Variants in MUC5AC observed in about 807,000 individuals in gnomAD.
The protein encoded by MUC5AC is mucin 5AC, oligomeric mucus/gel-forming, also known as mucin-5AC.
Under a neutral mutation model 169.7 loss-of-function variants are expected in MUC5AC, and 158 were observed. The ratio of observed to expected loss-of-function variants is 0.93; its 90% CI spans 0.82 to 1.06. The LOEUF is 1.06. Among genes scored for constraint, MUC5AC ranks in the 50% least tolerant of loss-of-function variants. MUC5AC has a pLI of 0.00. For synonymous variants in MUC5AC, 1,975 were observed against 1,237.0 expected (o/e 1.60, Z -12.52); for missense variants, 4,359 against 3,089.9 (o/e 1.41, Z -9.74).
Position 1,185,662 on chromosome 11 carries a change from C to T in MUC5AC, c.7517C>T (p.Thr2506Ile), listed in dbSNP as rs1860922800. ...PTTSTTSSPT[T>I]STTSAPTTST... is the part of the protein sequence containing the mutation. ...ACCAGCACAACCTCTTCTCCTACAA[C>T]CAGCACAACCTCTGCTCCTACAACC... The change falls in exon 31 of 49, where the codon ACC becomes ATC. Residue 2506 changes from threonine to isoleucine, a missense_variant. Coordinates refer to ENST00000621226, the MANE Select transcript of MUC5AC (RefSeq NM_001304359.2). 2 of 739,874 alleles carry T rather than the reference C, an allele frequency of 2.7e-6. No homozygotes were observed. Among genetic ancestry groups the T allele is most frequent in the South Asian group, 2.8e-5 (2 of 71,092 alleles). The allele number at this position is 739,874 out of a possible 1,614,324, so 45.8% of individuals were successfully genotyped here. A position where few individuals can be genotyped will look rare whatever the true frequency, so the allele number is the denominator to read the frequency against.
chr11:1,175,879 A>G (rs1254003589), intron 19 of MUC5AC, among the ~76,000 whole-genome samples: 5 of 82,664 alleles, frequency 6.0e-5, no homozygotes, highest in African/African-American at 2.0e-4. Context: ...ACATCCACTC[A>G]TGCACATGCA....
rs1363106410 is a variant in MUC5AC, at chr11:1,182,806, C to T, written c.4661C>T (p.Ser1554Leu). The change falls in exon 31 of 49, where the codon TCG (serine) becomes TTG (leucine). Residue 1554 changes from serine to leucine, a missense_variant. Coordinates refer to ENST00000621226, the MANE Select transcript of MUC5AC (RefSeq NM_001304359.2). ...CCGGCAACATCAACATCATCCATGT[C>T]GACCACGGCCCCGGGGACCTCTGTG... ...PVPATSTSSM[S>L]TTAPGTSVVS... 4.5e-5 allele frequency: 18 copies of T among 398,114 alleles called. No individual in the cohort carries two copies. The highest frequency in any genetic ancestry group is 6.2e-5 in the Non-Finnish European group (14 of 225,920). The allele number at this position is 398,114 out of a possible 1,614,324, so 24.7% of individuals were successfully genotyped here. A position where few individuals can be genotyped will look rare whatever the true frequency, so the allele number is the denominator to read the frequency against.
At position 1,180,132 on chromosome 11, in the gene MUC5AC, G is replaced by A. The variant is rs991238432; in HGVS notation, c.3595G>A (p.Asp1199Asn). The change falls in exon 27 of 49, where the codon GAC becomes AAC. Residue 1199 changes from aspartate (D) to asparagine (N), a missense_variant. By Grantham distance (23) the Asp-to-Asn change is conservative. Coordinates refer to ENST00000621226, the MANE Select transcript of MUC5AC (RefSeq NM_001304359.2). ...GAACCCCCGTGGAGACTGCCTGCGG[G>A]ACGTCCGGGGCCTGGAAGGTGGGCT... ...CRNPRGDCLR[D>N]VRGLEGCYPK... 41 of 397,874 alleles carry A rather than the reference G, an allele frequency of 1.0e-4. No homozygotes were observed. Among genetic ancestry groups the A allele is most frequent in the African/African-American group, 7.9e-4 (38 of 48,398 alleles). 24.6% of individuals were successfully genotyped at this position (397,874 alleles called of 1,614,324 possible). A position where few individuals can be genotyped will look rare whatever the true frequency, so the allele number is the denominator to read the frequency against.
chr11:1,177,527 C>A lies in MUC5AC; in HGVS notation c.2981C>A (p.Thr994Asn), dbSNP rs1187161924. The change falls in exon 24 of 49, where the codon ACC becomes AAC. Residue 994 changes from threonine to asparagine, a missense_variant. Transcript: ENST00000621226. Reference sequence around the variant, plus strand: ...GACGAGAGCCAGGAGGTGCCATACACCATCCGGCAGATGGGCATCTACCTG... The same window carrying A: ...GACGAGAGCCAGGAGGTGCCATACAACATCCGGCAGATGGGCATCTACCTG... ...GTDESQEVPYTIRQMGIYLVV... is the reference protein window; with the variant it reads ...GTDESQEVPYNIRQMGIYLVV... 2 of 398,730 alleles carry A rather than the reference C, an allele frequency of 5.0e-6. No individual in the cohort carries two copies. Among genetic ancestry groups the A allele is most frequent in the East Asian group, 7.1e-5 (2 of 28,070 alleles). 24.7% of individuals were successfully genotyped at this position (398,730 alleles called of 1,614,324 possible).
At position 1,185,277 on chromosome 11, in the gene MUC5AC, A is replaced by G. The variant is rs1463640925; in HGVS notation, c.7132A>G (p.Ser2378Gly). The G allele has an allele frequency of 2.2e-5, 15 of 669,860 alleles. No homozygotes were observed. The East Asian group carries it at 4.0e-4, about 18-fold the overall frequency. 41.5% of individuals were successfully genotyped at this position (669,860 alleles called of 1,614,324 possible). Reference sequence around the variant, plus strand: ...AACCAGCACAACCTCTGCCCGTACAAGCAGCACAACCTCTGCCACTACCAC... The same window carrying G: ...AACCAGCACAACCTCTGCCCGTACAGGCAGCACAACCTCTGCCACTACCAC... Reference protein sequence around the residue: ...PTTSTTSARTSSTTSATTTSR... With the variant: ...PTTSTTSARTGSTTSATTTSR... Residue 2378 changes from serine (S) to glycine (G), a missense_variant, in exon 31 of 49, where the codon AGC becomes GGC. Physicochemically the swap from Ser to Gly is moderately conservative, Grantham distance 56 (BLOSUM62 0). Transcript: ENST00000621226.
chr11:1,199,517 C>T (rs1861369064), intron 46 of MUC5AC, 27 bp downstream of exon 46: 1 of 703,146 alleles, frequency 1.4e-6, no homozygotes, highest in Non-Finnish European at 2.6e-6. Flanking sequence ...CCGCTCCAGC[C>T]AAGGGGGGCT....
chr11:1,185,904 A>G lies in MUC5AC; in HGVS notation c.7759A>G (p.Ser2587Gly). ...GAGCACAACCTCTGCTCCTACAACC[A>G]GCACAACCTCTGGTCCTGGAACTAC... ...TTSTTSAPTT[S>G]TTSGPGTTPS... Residue 2587 changes from serine to glycine, a missense_variant, in exon 31 of 49, where the codon AGC becomes GGC. Coordinates refer to ENST00000621226, the MANE Select transcript of MUC5AC (RefSeq NM_001304359.2). 1.3e-6 allele frequency: 1 copy of G among 747,612 alleles called. No individual in the cohort carries two copies. The highest frequency in any genetic ancestry group is 2.4e-6 in the Non-Finnish European group (1 of 409,396). The allele number at this position is 747,612 out of a possible 1,614,324, so 46.3% of individuals were successfully genotyped here.
intron 3 of MUC5AC, 23 bp downstream of exon 3, chr11:1,161,609 G>A (rs1293037876): frequency 6.2e-7 from 1 of 1,603,460 alleles, no homozygotes; most frequent in Admixed American, 1.7e-5. Context: ...CGGAGGCCTG[G>A]GTGGGGAAGG....
chr11:1,193,899 C>G (rs961650493), intron 33 of MUC5AC, among the ~76,000 whole-genome samples: 12 of 152,352 alleles, frequency 7.9e-5, no homozygotes, highest in African/African-American at 2.9e-4. Context: ...AGGAGTCTGT[C>G]CCTGCCTCGC....
rs1243800794 is a variant in MUC5AC, at chr11:1,189,702, A to G, written c.11557A>G (p.Thr3853Ala). 19 of 633,842 alleles carry G rather than the reference A, an allele frequency of 3.0e-5. No homozygotes were observed. In the African/African-American group the frequency reaches 3.5e-4, roughly 12 times the overall value. The allele number at this position is 633,842 out of a possible 1,614,324, so 39.3% of individuals were successfully genotyped here. Residue 3853 changes from threonine (T) to alanine (A), a missense_variant, in exon 31 of 49, where the codon ACC becomes GCC. Coordinates refer to ENST00000621226, the MANE Select transcript of MUC5AC (RefSeq NM_001304359.2). ...AACCAGCACAACCTCCACTCCACAG[A>G]CCAGCATATCCTCTGCCCCTACAAG... is the stretch of plus-strand genomic sequence containing the variant. ...PTTSTTSTPQ[T>A]SISSAPTSST...
rs1377725334 is a variant in MUC5AC, at chr11:1,193,504, C to T, written c.14600C>T (p.Thr4867Ile). The T allele has an allele frequency of 4.0e-6, 3 of 748,986 alleles. No homozygotes were observed. The highest frequency in any genetic ancestry group is 1.7e-5 in the African/African-American group (1 of 58,730). 46.4% of individuals were successfully genotyped at this position (748,986 alleles called of 1,614,324 possible). Residue 4867 changes from threonine (T) to isoleucine (I), a missense_variant, in exon 33 of 49, where the codon ACA (threonine) becomes ATA (isoleucine). By Grantham distance (89) the Thr-to-Ile change is moderately conservative (BLOSUM62 -1). Coordinates refer to ENST00000621226, the MANE Select transcript of MUC5AC (RefSeq NM_001304359.2). ...CTGCAGAAAGGTGAGACCTGGGCCA[C>T]ACCCAACTGCTCCGAGGCCACCTGT... ...PPRKKGETWA[T>I]PNCSEATCEG...
chr11:1,162,428 C>T, intron 4 of MUC5AC, 104 bp from the exon 5 acceptor site: 1 of 1,149,588 alleles, frequency 8.7e-7, no homozygotes, highest in Non-Finnish European at 1.3e-6. Flanking sequence ...GACGCGACTT[C>T]ACGGTCACGA....
intron 47 of MUC5AC, 28 bp downstream of exon 47, chr11:1,199,792 G>A (rs1243635800): frequency 8.3e-6 from 6 of 725,616 alleles, no homozygotes; most frequent in East Asian, 5.2e-5. Context: ...TGGGCGGGGC[G>A]GGCTCCACCC....
In MUC5AC at chr11:1,189,028, C is replaced by T; in HGVS notation, c.10883C>T (p.Ser3628Phe). 1.5e-6 allele frequency: 1 copy of T among 666,852 alleles called. No individual in the cohort carries two copies. Among genetic ancestry groups the T allele is most frequent in the Non-Finnish European group, 2.7e-6 (1 of 368,640 alleles). 41.3% of individuals were successfully genotyped at this position (666,852 alleles called of 1,614,324 possible). A position where few individuals can be genotyped will look rare whatever the true frequency, so the allele number is the denominator to read the frequency against. The change falls in exon 31 of 49, where the codon TCC (serine) becomes TTC (phenylalanine). Residue 3628 changes from serine (S) to phenylalanine (F), a missense_variant. By Grantham distance (155) the Ser-to-Phe change is radical (BLOSUM62 -2). Transcript: ENST00000621226. The part of the protein sequence containing the change: ...CETPKGCPVT[S>F]TSVTAPSTPS... ...ACCCCCAAAGGCTGCCCCGTGACCT[C>T]CACATCTGTGACAGCTCCTAGCACC...
chr11:1,164,515 G>T lies in MUC5AC; in HGVS notation c.1112G>T (p.Gly371Val). The change falls in exon 9 of 49, where the codon GGC becomes GTC. Residue 371 changes from glycine (G) to valine (V), a missense_variant. Gly to Val is a moderately radical substitution (Grantham distance 109). Coordinates refer to ENST00000621226, the MANE Select transcript of MUC5AC (RefSeq NM_001304359.2). ...GCCTGTGAGGACCACTGTGTGGCCG[G>T]CTGCTTCTGCCCTGAGGGTGAGGCT... is the stretch of plus-strand genomic sequence containing the variant. ...SRACEDHCVA[G>V]CFCPEGTVLD... 1 of 1,610,924 alleles carries T rather than the reference G, an allele frequency of 6.2e-7. No individual in the cohort carries two copies. Among genetic ancestry groups the T allele is most frequent in the Non-Finnish European group, 8.5e-7 (1 of 1,179,190 alleles).
At chr11:1,163,149 T>A in intron 6 of MUC5AC, 104 bp downstream of exon 6, 1 of 1,068,810 alleles carries the variant, frequency 9.4e-7, no homozygotes, top group South Asian at 1.3e-5. Context: ...CATGCACAGA[T>A]ACACGGATGC....
At position 1,182,740 on chromosome 11, in the gene MUC5AC, C is replaced by G; in HGVS notation, c.4595C>G (p.Ser1532Cys). The stretch of plus-strand genomic sequence containing the variant: ...ACACCTGCCCCAGGTACCGCTACCT[C>G]TGTCAAAAAAACTTTCTCAACTCCC... ...RTTPAPGTATSVKKTFSTPSP... is the reference protein window; with the variant it reads ...RTTPAPGTATCVKKTFSTPSP... The change falls in exon 31 of 49, where the codon TCT (serine) becomes TGT (cysteine). Residue 1532 changes from serine to cysteine, a missense_variant. Physicochemically the swap from Ser to Cys is moderately radical, Grantham distance 112. Coordinates refer to ENST00000621226, the MANE Select transcript of MUC5AC (RefSeq NM_001304359.2). 2.5e-6 allele frequency: 1 copy of G among 398,500 alleles called. No homozygotes were observed. Among genetic ancestry groups the G allele is most frequent in the Non-Finnish European group, 4.4e-6 (1 of 226,030 alleles). 24.7% of individuals were successfully genotyped at this position (398,500 alleles called of 1,614,324 possible). A position where few individuals can be genotyped will look rare whatever the true frequency, so the allele number is the denominator to read the frequency against.
At chr11:1,170,410 T>TACTCACCC (rs1311467069) in intron 15 of MUC5AC, among the ~76,000 whole-genome samples, 1 of 44,688 alleles carries the variant, frequency 2.2e-5, no homozygotes, top group Non-Finnish European at 4.4e-5. Context: ...CCCACTCACC[T>TACTCACCC]ACTCACCCAC....
rs1554928232 is a variant in MUC5AC, at chr11:1,187,482, A to G, written c.9337A>G (p.Thr3113Ala). ...TACAACCAGCACAACCTCTGCCTCT[A>G]CAGCCAGCAAAACCTCTGGTCTTGG... Reference protein sequence around the residue: ...APTTSTTSASTASKTSGLGTT... With the variant: ...APTTSTTSASAASKTSGLGTT... Residue 3113 changes from threonine (T) to alanine (A), a missense_variant, in exon 31 of 49, where the codon ACA (threonine) becomes GCA (alanine). Coordinates refer to ENST00000621226, the MANE Select transcript of MUC5AC (RefSeq NM_001304359.2). The G allele has an allele frequency of 1.4e-6, 1 of 734,934 alleles. No homozygotes were observed. Among genetic ancestry groups the G allele is most frequent in the Non-Finnish European group, 2.5e-6 (1 of 402,808 alleles). 45.5% of individuals were successfully genotyped at this position (734,934 alleles called of 1,614,324 possible).
Sources: allele counts gnomAD v4.1 joint callset (sites outside exome capture counted in the v4.1 genomes callset), GRCh38; gene constraint gnomAD v4.1.1; transcripts MANE v1.5; gene names NCBI Gene and HGNC (gene_info 2026-07-23, HGNC 2026-07-21).